Variants in PKIA observed in about 807,000 individuals in gnomAD.
The protein encoded by PKIA is cAMP-dependent protein kinase inhibitor alpha, also known as PKI-alpha.
In PKIA, 4 loss-of-function variants were observed where a neutral mutation model predicts 7.6. The observed-to-expected ratio is 0.52, with a 90% confidence interval of 0.26 to 1.20. The LOEUF (loss-of-function observed/expected upper bound fraction) is 1.20, where lower values mean the gene tolerates loss of function less well. Among genes scored for constraint, PKIA ranks in the 50% most tolerant of loss-of-function variants. PKIA has a pLI of 0.13. For missense variants in PKIA, 73 were observed against 86.2 expected, an observed-to-expected ratio of 0.85 and a Z score of 0.61; for synonymous variants, 21 against 30.7, an observed-to-expected ratio of 0.68 and a Z score of 1.04.
intron 2 of PKIA, among the ~76,000 whole-genome samples, chr8:78,583,287 G>A (rs1368979671): frequency 6.6e-6 from 1 of 152,118 alleles, no homozygotes; most frequent in East Asian, 1.9e-4. Flanking sequence ...GAAAACTGAA[G>A]TGCAGAGAAA....
chr8:78,581,708 A>G (rs934793677), intron 2 of PKIA, among the ~76,000 whole-genome samples: 5 of 152,130 alleles, frequency 3.3e-5, no homozygotes, highest in Non-Finnish European at 5.9e-5. Flanking sequence ...AAGAAAATGT[A>G]CCAGATAAAA....
intron 3 of PKIA, among the ~76,000 whole-genome samples, chr8:78,601,257 T>C (rs1433172822): frequency 2.0e-5 from 3 of 152,226 alleles, no homozygotes; most frequent in Admixed American, 6.6e-5. Context: ...TTTGAACTAA[T>C]AGAACCTCTG....
At chr8:78,576,658 C>A (rs545273089) in intron 2 of PKIA, among the ~76,000 whole-genome samples, 14 of 152,000 alleles carry the variant, frequency 9.2e-5, no homozygotes, top group African/African-American at 3.4e-4. Context: ...GGTTCAAAAT[C>A]CACATGTGGC....
intron 1 of PKIA, among the ~76,000 whole-genome samples, chr8:78,538,783 G>A (rs982506535): frequency 3.3e-5 from 5 of 152,018 alleles, no homozygotes; most frequent in African/African-American, 7.2e-5. Context: ...GAGACAGGCC[G>A]AATTTGGAGG....
rs1808368351 is a variant in PKIA at position 78,602,384 on chromosome 8, C to T, written c.*563C>T. On this transcript the variant is annotated 3_prime_UTR_variant, in exon 4 of 4. Coordinates refer to ENST00000396418, the MANE Select transcript of PKIA (RefSeq NM_006823.4). ...TGCTTATGAAAAACAAAATGATGTA[C>T]ATTACTGTGAATTTTTATACCACTC... is the stretch of plus-strand genomic sequence containing the variant. The T allele has an allele frequency of 2.0e-5, 3 of 152,448 alleles. No individual in the cohort carries two copies. The highest frequency in any genetic ancestry group is 6.6e-5 in the Admixed American group (1 of 15,196). 9.4% of individuals were successfully genotyped at this position (152,448 alleles called of 1,614,324 possible).
At chr8:78,538,939 C>T (rs765984421) in intron 1 of PKIA, among the ~76,000 whole-genome samples, 2 of 151,942 alleles carry the variant, frequency 1.3e-5, no homozygotes, top group Non-Finnish European at 2.9e-5. Flanking sequence ...TCTTCCACAT[C>T]TATGAGTGAA....
chr8:78,531,912 G>A (rs1291670545), intron 1 of PKIA, among the ~76,000 whole-genome samples: 1 of 152,124 alleles, frequency 6.6e-6, no homozygotes, highest in East Asian at 1.9e-4. Flanking sequence ...AGTCTTAAAT[G>A]TTCACTAATG....
rs1808413241 is a variant in PKIA at position 78,603,892 on chromosome 8, T to G, written c.*2071T>G. ...GATATACTGTTATTAATGCATGTGG[T>G]GCCATGCTTGTCTTTAAATATATAA... On this transcript the variant is annotated 3_prime_UTR_variant, in exon 4 of 4. Transcript: ENST00000396418. 6.6e-6 allele frequency: 1 copy of G among 152,032 alleles called. No homozygotes were observed. Among genetic ancestry groups the G allele is most frequent in the Admixed American group, 6.6e-5 (1 of 15,222 alleles). The allele number at this position is 152,032 out of a possible 1,614,324, so 9.4% of individuals were successfully genotyped here. A position where few individuals can be genotyped will look rare whatever the true frequency, so the allele number is the denominator to read the frequency against.
intron 1 of PKIA, among the ~76,000 whole-genome samples, chr8:78,530,341 T>C (rs1345201616): frequency 1.3e-5 from 2 of 151,974 alleles, no homozygotes; most frequent in Non-Finnish European, 2.9e-5. Flanking sequence ...CTGCCCTCTA[T>C]CCTATAGGAA....
intron 1 of PKIA, among the ~76,000 whole-genome samples, chr8:78,553,516 G>A (rs1004784465): frequency 2.0e-5 from 3 of 151,880 alleles, no homozygotes; most frequent in African/African-American, 7.2e-5. Flanking sequence ...TTTGACTGCT[G>A]TCTCTTATGT....
intron 2 of PKIA, among the ~76,000 whole-genome samples, chr8:78,595,209 T>C (rs1366544863): frequency 1.3e-5 from 2 of 152,146 alleles, no homozygotes; most frequent in Non-Finnish European, 2.9e-5. Flanking sequence ...GACTTCTTGA[T>C]GCTAATAAAA....
At chr8:78,594,673 G>C (rs796655936) in intron 2 of PKIA, among the ~76,000 whole-genome samples, 5 of 152,286 alleles carry the variant, frequency 3.3e-5, no homozygotes, top group African/African-American at 1.2e-4. Flanking sequence ...TATCAAGGGA[G>C]AGAAATGGGG....
chr8:78,533,281 A>AT (rs1262258587), intron 1 of PKIA, among the ~76,000 whole-genome samples: 1 of 152,150 alleles, frequency 6.6e-6, no homozygotes, highest in African/African-American at 2.4e-5. Context: ...AAGCTGAGAC[A>AT]TTTTCCATAT....
chr8:78,600,108 G>C (rs1184875880), intron 3 of PKIA, among the ~76,000 whole-genome samples: 2 of 150,970 alleles, frequency 1.3e-5, no homozygotes, highest in Non-Finnish European at 3.0e-5. Context: ...AATTCACTAG[G>C]CTCTTGCAAC....
At chr8:78,563,342 A>G (rs866376290) in intron 1 of PKIA, among the ~76,000 whole-genome samples, 1 of 152,168 alleles carries the variant, frequency 6.6e-6, no homozygotes, top group African/African-American at 2.4e-5. Context: ...GCCAAACAAT[A>G]TAGAAGTCTT....
chr8:78,566,813 T>C (rs1484732756), intron 1 of PKIA, among the ~76,000 whole-genome samples: 1 of 152,164 alleles, frequency 6.6e-6, no homozygotes, highest in African/African-American at 2.4e-5. Flanking sequence ...AGTGGAATCA[T>C]GCCCGTGGCA....
chr8:78,524,012 ATATATAAACGTT>A lies in PKIA; in HGVS notation c.-157+7563_-157+7574del, dbSNP rs1277429301. ...TATATATAAACATTTATATATAAAT[ATATATAAACGTT>A]TATATAAACGTTTATATATATAAAT... On this transcript the variant is annotated intron_variant, in intron 1 of 3. Transcript: ENST00000396418. Among the ~76,000 whole-genome samples, 584 of 124,350 alleles carry A rather than the reference ATATATAAACGTT, an allele frequency of 4.7e-3. 31 individuals carry two copies. Among genetic ancestry groups the A allele is most frequent in the South Asian group, 8.4e-3 (36 of 4,310 alleles). 81.6% of individuals were successfully genotyped at this position (124,350 alleles called of 152,430 possible).
chr8:78,528,635 C>T (rs958924564), intron 1 of PKIA, among the ~76,000 whole-genome samples: 1 of 149,288 alleles, frequency 6.7e-6, no homozygotes, highest in Non-Finnish European at 1.5e-5. Context: ...ACCAGCCTGG[C>T]CAACATAGTG....
At position 78,545,706 on chromosome 8, in the gene PKIA, A is replaced by ATTT. The variant is rs1335017103; in HGVS notation, c.-156-27104_-156-27102dup. ...AGCTTGGGTTTTCTTGTCAAGGGAGATTTAAAGTATTTTTCTGATTCTTTA... is the reference window on the plus strand; with the variant it reads ...AGCTTGGGTTTTCTTGTCAAGGGAGATTTTTTAAAGTATTTTTCTGATTCTTTA... On this transcript the variant is annotated intron_variant, in intron 1 of 3. Transcript: ENST00000396418. Among the ~76,000 whole-genome samples, 3 of 152,176 alleles carry ATTT rather than the reference A, an allele frequency of 2.0e-5. No homozygotes were observed. The East Asian group carries it at 5.8e-4, about 29-fold the overall frequency.
Sources: allele counts gnomAD v4.1 joint callset (sites outside exome capture counted in the v4.1 genomes callset), GRCh38; gene constraint gnomAD v4.1.1; transcripts MANE v1.5; gene names NCBI Gene and HGNC (gene_info 2026-07-23, HGNC 2026-07-21).